Variants in SYBU observed in about 807,000 individuals in gnomAD.
The protein encoded by SYBU is GOLSYN A protein.
A neutral mutation model predicts 35.9 loss-of-function variants in SYBU; 21 were observed. The observed-to-expected ratio is 0.58, with a 90% CI of 0.41 to 0.84. SYBU has a LOEUF of 0.84. Among genes scored for constraint, SYBU ranks in the 40% least tolerant of loss-of-function variants. The pLI is 0.00. For synonymous variants in SYBU, 319 were observed against 324.3 expected (o/e 0.98, Z 0.18); for missense variants, 768 against 848.2 (o/e 0.91, Z 1.17).
intron 1 of SYBU, among the ~76,000 whole-genome samples, chr8:109,657,262 A>T (rs1255386682): frequency 6.6e-6 from 1 of 152,146 alleles, no homozygotes; most frequent in Non-Finnish European, 1.5e-5. Context: ...ATTGCCCTTT[A>T]TTGTAGACCA....
chr8:109,688,741 A>G (rs547874073), intron 1 of SYBU, among the ~76,000 whole-genome samples: 122 of 151,744 alleles, frequency 8.0e-4, no homozygotes, highest in Middle Eastern at 3.4e-3. Context: ...AGAAGGATGC[A>G]GACTCAAAAC....
At position 109,577,898 on chromosome 8, in the gene SYBU, A is replaced by G; in HGVS notation, c.854T>C (p.Leu285Pro). ...EVTVRHLKTK[L>P]KESERRLHER... ...ATGGAGTCGGCGCTCAGATTCCTTC[A>G]GCTTGGTTTTGAGGTGTCTCACTGT... The change falls in exon 6 of 7, where the codon CTG (leucine) becomes CCG (proline). Residue 285 changes from leucine to proline, a missense_variant. Transcript: ENST00000276646. 1 of 1,613,728 alleles carries G rather than the reference A, an allele frequency of 6.2e-7. No individual in the cohort carries two copies. Among genetic ancestry groups the G allele is most frequent in the Non-Finnish European group, 8.5e-7 (1 of 1,179,842 alleles).
chr8:109,668,767 G>C (rs937186428), intron 1 of SYBU, among the ~76,000 whole-genome samples: 5 of 152,180 alleles, frequency 3.3e-5, no homozygotes, highest in African/African-American at 1.2e-4. Context: ...TTTCAAACTT[G>C]ACAGTCCTTC....
intron 6 of SYBU, among the ~76,000 whole-genome samples, chr8:109,576,321 A>G (rs1822311409): frequency 6.6e-6 from 1 of 152,330 alleles, no homozygotes; most frequent in African/African-American, 2.4e-5. Flanking sequence ...AATCAGAATC[A>G]AAATAGCTAC....
chr8:109,677,941 C>G (rs891364374), intron 1 of SYBU, among the ~76,000 whole-genome samples: 5 of 151,868 alleles, frequency 3.3e-5, no homozygotes, highest in Non-Finnish European at 5.9e-5. Context: ...TCGAGACCAG[C>G]CTTACCAACA....
Position 109,621,103 on chromosome 8 carries a change from T to C in SYBU, c.230-2064A>G, listed in dbSNP as rs117909259. ...AAATAAAAATCTGTGCTTCAGAGTG[T>C]CTAACCTAAAAAACTCAGTTTTCCT... On this transcript the variant is annotated intron_variant, in intron 2 of 6. Coordinates refer to ENST00000276646, the MANE Select transcript of SYBU (RefSeq NM_001099754.2). 6.4e-3 allele frequency among the ~76,000 whole-genome samples: 979 copies of C among 152,356 alleles called. 4 individuals carry two copies. The highest frequency in any genetic ancestry group is 0.01 in the Non-Finnish European group (693 of 68,030).
intron 1 of SYBU, among the ~76,000 whole-genome samples, chr8:109,662,741 A>G (rs917331391): frequency 6.6e-6 from 1 of 152,176 alleles, no homozygotes; most frequent in African/African-American, 2.4e-5. Context: ...TTTCTTTTAC[A>G]AACTTTCTTG....
intron 1 of SYBU, among the ~76,000 whole-genome samples, chr8:109,672,038 AT>A (rs1471436913): frequency 6.6e-6 from 1 of 152,024 alleles, no homozygotes; most frequent in East Asian, 1.9e-4. Context: ...AGTAACTAGG[AT>A]TATATGCATG....
intron 3 of SYBU, chr8:109,607,897 C>T: frequency 7.2e-7 from 1 of 1,395,576 alleles, no homozygotes; most frequent in Non-Finnish European, 9.8e-7. Context: ...CTTACTGTGA[C>T]TAATACTACT....
At chr8:109,644,085 G>T in intron 1 of SYBU, 1 of 456,820 alleles carries the variant, frequency 2.2e-6, no homozygotes, top group Non-Finnish European at 4.4e-6. Context: ...ACACCTCTGG[G>T]AGGCCGGCAC....
intron 3 of SYBU, among the ~76,000 whole-genome samples, chr8:109,613,228 T>C (rs559273793): frequency 6.6e-6 from 1 of 152,256 alleles, no homozygotes; most frequent in Admixed American, 6.5e-5. Context: ...GCAAATTGTG[T>C]GTGAGAGTTT....
chr8:109,581,853 T>A (rs1350731938), intron 4 of SYBU, among the ~76,000 whole-genome samples: 1 of 152,126 alleles, frequency 6.6e-6, no homozygotes, highest in Non-Finnish European at 1.5e-5. Context: ...AAGTTAAAGT[T>A]ATTTCCTTTT....
chr8:109,648,679 A>G (rs7841022), upstream of SYBU: 17,619 of 152,042 alleles, frequency 0.12, 2,816 homozygotes, highest in African/African-American at 0.36. Context: ...ACTCTTCCTC[A>G]CATCTCACCT....
upstream of SYBU, among the ~76,000 whole-genome samples, chr8:109,685,700 T>C (rs1359400250): frequency 6.6e-6 from 1 of 152,196 alleles, no homozygotes; most frequent in African/African-American, 2.4e-5. Context: ...GACAATTTGT[T>C]ATGGATAATA....
upstream of SYBU, chr8:109,647,684 G>A (rs1200858863): frequency 6.6e-6 from 1 of 152,328 alleles, no homozygotes; most frequent in East Asian, 1.9e-4. Context: ...GATACAACTT[G>A]TTTTGAAAAT....
Position 109,619,055 on chromosome 8 carries a change from C to G in SYBU, c.230-16G>C. On this transcript the variant is annotated splice_polypyrimidine_tract_variant and intron_variant, in intron 2 of 6. Transcript: ENST00000276646. ...CCTGTGTCATCTAGAAGACAGGAAT[C>G]AATAAGTGTTTAATGATGAGGAGGA... is the stretch of plus-strand genomic sequence containing the variant. The G allele has an allele frequency of 6.2e-7, 1 of 1,604,480 alleles. No individual in the cohort carries two copies. Among genetic ancestry groups the G allele is most frequent in the South Asian group, 1.1e-5 (1 of 90,736 alleles).
intron 1 of SYBU, among the ~76,000 whole-genome samples, chr8:109,688,328 G>A (rs1817566347): frequency 6.6e-6 from 1 of 152,158 alleles, no homozygotes; most frequent in African/African-American, 2.4e-5. Flanking sequence ...TGAAGTTCTG[G>A]AAAGTTCTGA....
At chr8:109,587,102 G>C (rs1176035178) in intron 3 of SYBU, among the ~76,000 whole-genome samples, 1 of 152,118 alleles carries the variant, frequency 6.6e-6, no homozygotes, top group Non-Finnish European at 1.5e-5. Context: ...TGAAAAATAA[G>C]TCTAGGTATA....
At chr8:109,684,352 A>G (rs1817471077), upstream of SYBU, among the ~76,000 whole-genome samples, 1 of 152,198 alleles carries the variant, frequency 6.6e-6, no homozygotes, top group Non-Finnish European at 1.5e-5. Flanking sequence ...TAAGTTCAGG[A>G]TGATTGATAA....
Sources: gnomAD v4.1 joint callset for allele counts (sites outside exome capture counted in the v4.1 genomes callset) on GRCh38, gnomAD v4.1.1 for gene constraint, MANE v1.5 for transcripts, NCBI Gene and HGNC (gene_info 2026-07-23, HGNC 2026-07-21) for gene names.